Variants in CDYL2 observed in about 807,000 individuals in gnomAD.
CDYL2 encodes chromodomain Y-like protein 2.
A neutral mutation model predicts 49.4 loss-of-function variants in CDYL2; 23 were observed. The observed-to-expected ratio is 0.47, with a 90% CI of 0.34 to 0.66. The LOEUF (loss-of-function observed/expected upper bound fraction) is 0.66, where lower values mean the gene tolerates loss of function less well. CDYL2 is among the 30% of genes least tolerant of loss of function. The pLI is 0.01. For synonymous variants in CDYL2, 360 were observed against 268.8 expected (o/e 1.34, Z -3.32); for missense variants, 678 against 656.4 (o/e 1.03, Z -0.36).
chr16:80,635,640 A>T (rs1318935851), intron 2 of CDYL2, among the ~76,000 whole-genome samples: 2 of 152,258 alleles, frequency 1.3e-5, no homozygotes, highest in Non-Finnish European at 2.9e-5. Flanking sequence ...CCTACTGCTC[A>T]AAGTAATTTA....
chr16:80,631,773 T>C (rs751455183), intron 3 of CDYL2, among the ~76,000 whole-genome samples: 1 of 152,124 alleles, frequency 6.6e-6, no homozygotes, highest in Admixed American at 6.5e-5. Flanking sequence ...AAATGACCAA[T>C]GCACTCATGA....
chr16:80,734,244 G>A (rs1045060815), intron 1 of CDYL2, among the ~76,000 whole-genome samples: 1 of 152,166 alleles, frequency 6.6e-6, no homozygotes, highest in African/African-American at 2.4e-5. Context: ...CATATTCCTG[G>A]TTGGGGGCCG....
chr16:80,717,591 C>T (rs1344805762), intron 1 of CDYL2, among the ~76,000 whole-genome samples: 9 of 152,198 alleles, frequency 5.9e-5, no homozygotes, highest in African/African-American at 2.2e-4. Context: ...CTGAGAGAAA[C>T]TGGAGACTGA....
intron 1 of CDYL2, among the ~76,000 whole-genome samples, chr16:80,712,087 G>A (rs1904623401): frequency 6.7e-6 from 1 of 149,030 alleles, no homozygotes; most frequent in Admixed American, 6.7e-5. Context: ...ATAGATGTGT[G>A]TGTATATATA....
At chr16:80,740,757 C>T (rs950770119) in intron 1 of CDYL2, among the ~76,000 whole-genome samples, 8 of 146,880 alleles carry the variant, frequency 5.4e-5, no homozygotes, top group South Asian at 4.3e-4. Context: ...ATAAAGGCAA[C>T]GAAAATAGAA....
intron 2 of CDYL2, among the ~76,000 whole-genome samples, chr16:80,647,433 A>C (rs1276629428): frequency 6.6e-6 from 1 of 152,202 alleles, no homozygotes; most frequent in Non-Finnish European, 1.5e-5. Flanking sequence ...TGCAGGAATC[A>C]CATTACCTGA....
chr16:80,684,851 C>G lies in CDYL2; in HGVS notation c.303G>C (p.Gly101=). Residue 101 remains glycine, a synonymous_variant, in exon 2 of 7, where the codon GGG becomes GGC. Transcript: ENST00000570137. ...HRPSDPGKSK[G]TSHKRKRINP... Reference sequence around the variant, plus strand: ...TAATTCGCTTCCGTTTATGGGAGGTCCCCTTGCTCTTTCCAGGATCTGAAG... The same window carrying G: ...TAATTCGCTTCCGTTTATGGGAGGTGCCCTTGCTCTTTCCAGGATCTGAAG... 1.2e-6 allele frequency: 2 copies of G among 1,614,128 alleles called. No homozygotes were observed. Among genetic ancestry groups the G allele is most frequent in the African/African-American group, 2.7e-5 (2 of 75,030 alleles).
chr16:80,660,001 G>A (rs940362398), intron 2 of CDYL2, among the ~76,000 whole-genome samples: 1 of 151,998 alleles, frequency 6.6e-6, no homozygotes, highest in Non-Finnish European at 1.5e-5. Flanking sequence ...ATGGCAGACT[G>A]AAAACAGCAA....
chr16:80,683,573 GT>G (rs1910054771), intron 2 of CDYL2, among the ~76,000 whole-genome samples: 1 of 151,466 alleles, frequency 6.6e-6, no homozygotes, highest in Non-Finnish European at 1.5e-5. Flanking sequence ...GAAAGAATTA[GT>G]GCAGGATGAG....
intron 3 of CDYL2, among the ~76,000 whole-genome samples, chr16:80,630,096 C>A (rs941060550): frequency 6.6e-6 from 1 of 152,222 alleles, no homozygotes; most frequent in African/African-American, 2.4e-5. Context: ...ACAGCCTCTT[C>A]ATTTCAGTAG....
intron 1 of CDYL2, among the ~76,000 whole-genome samples, chr16:80,783,187 A>T (rs1441872547): frequency 6.6e-6 from 1 of 152,182 alleles, no homozygotes; most frequent in Non-Finnish European, 1.5e-5. Flanking sequence ...CAAACACCTC[A>T]ATTTGAAACT....
At chr16:80,773,715 T>C (rs17755647) in intron 1 of CDYL2, among the ~76,000 whole-genome samples, 21,644 of 152,068 alleles carry the variant, frequency 0.14, 1,685 homozygotes, top group South Asian at 0.26. Context: ...ACTAGAAGTG[T>C]TTTAAACTCA....
At chr16:80,604,576 C>A in intron 6 of CDYL2, 30 bp from the exon 7 acceptor site, 1 of 1,613,048 alleles carries the variant, frequency 6.2e-7, no homozygotes, top group Non-Finnish European at 8.5e-7. Flanking sequence ...CCTGATTAGC[C>A]GGGCACCAGG....
chr16:80,646,892 G>GA (rs58154796), intron 2 of CDYL2, among the ~76,000 whole-genome samples: 73,084 of 143,536 alleles, frequency 0.51, 19,911 homozygotes, highest in African/African-American at 0.73. Flanking sequence ...CAAATAGACT[G>GA]AAAAAAAAAA....
At chr16:80,767,773 G>C (rs554318035) in intron 1 of CDYL2, among the ~76,000 whole-genome samples, 6 of 152,020 alleles carry the variant, frequency 3.9e-5, no homozygotes, top group Non-Finnish European at 7.4e-5. Context: ...ATATTCACTG[G>C]GTGCCTACTA....
rs1905195189 is a variant in CDYL2, at chr16:80,727,304, A to C, written c.25-42175T>G. Among the ~76,000 whole-genome samples, 5 of 152,224 alleles carry C rather than the reference A, an allele frequency of 3.3e-5. No individual in the cohort carries two copies. The South Asian group carries it at 1.0e-3, about 32-fold the overall frequency. On this transcript the variant is annotated intron_variant, in intron 1 of 6. Coordinates refer to ENST00000570137, the MANE Select transcript of CDYL2 (RefSeq NM_152342.4). ...ACTCGGCAAGCGCAAGGGGTCAGGG[A>C]GTTCCGTTTCCTAGTCAAGGAAAGG...
chr16:80,626,804 AAGAACTTCCATTTC>A (rs1327853589), intron 3 of CDYL2, among the ~76,000 whole-genome samples: 1 of 152,216 alleles, frequency 6.6e-6, no homozygotes, highest in African/African-American at 2.4e-5. Flanking sequence ...AAAGTTTTAA[AAGAACTTCCATTTC>A]TTAAGCACCT....
At chr16:80,740,334 A>G (rs550370559) in intron 1 of CDYL2, among the ~76,000 whole-genome samples, 3 of 152,300 alleles carry the variant, frequency 2.0e-5, no homozygotes, top group African/African-American at 7.2e-5. Context: ...GGAGGTTGTG[A>G]AGTGAGTATA....
intron 1 of CDYL2, among the ~76,000 whole-genome samples, chr16:80,686,284 G>C (rs1051144648): frequency 6.6e-6 from 1 of 152,160 alleles, no homozygotes; most frequent in Non-Finnish European, 1.5e-5. Context: ...GGGTATGTGA[G>C]GGTTCATTTA....
Sources: allele counts gnomAD v4.1 joint callset (sites outside exome capture counted in the v4.1 genomes callset), GRCh38; gene constraint gnomAD v4.1.1; transcripts MANE v1.5; gene names NCBI Gene and HGNC (gene_info 2026-07-23, HGNC 2026-07-21).